Variants in DUSP22 observed in about 807,000 individuals in gnomAD.
DUSP22 encodes the protein dual specificity phosphatase 22, also known as dual specificity protein phosphatase 22.
DUSP22 carries 24 observed loss-of-function variants against 24.5 expected under a neutral mutation model. The ratio of observed to expected loss-of-function variants is 0.98; its 90% confidence interval spans 0.71 to 1.38. DUSP22 has a LOEUF of 1.38. DUSP22 is among the 40% of genes most tolerant of loss of function. The pLI, the probability that DUSP22 is intolerant of heterozygous loss-of-function variation, is 0.00. For synonymous variants in DUSP22, 160 were observed against 106.4 expected, an observed-to-expected ratio of 1.50 and a Z score of -3.10; for missense variants, 330 against 269.2, an observed-to-expected ratio of 1.23 and a Z score of -1.58.
intron 4 of DUSP22, among the ~76,000 whole-genome samples, chr6:340,230 A>G (rs574616211): frequency 3.5e-4 from 54 of 152,412 alleles, no homozygotes; most frequent in Non-Finnish European, 7.3e-4. Context: ...GAAATATCAA[A>G]GTTGGGGAAT....
chr6:350,336 A>G lies in DUSP22; in HGVS notation c.*1385A>G. ...CAGGCATCCTGGGACGCTGTACGCA[A>G]TTCAGTGGTCTAGTCCTTTATACCG... On this transcript the variant is annotated 3_prime_UTR_variant, in exon 7 of 7. Transcript: ENST00000419235. 2.0e-6 allele frequency: 2 copies of G among 1,016,514 alleles called. No homozygotes were observed. The highest frequency in any genetic ancestry group is 2.4e-6 in the Non-Finnish European group (2 of 849,494). The allele number at this position is 1,016,514 out of a possible 1,614,324, so 63.0% of individuals were successfully genotyped here.
chr6:296,512 C>G (rs1278238107), intron 1 of DUSP22, among the ~76,000 whole-genome samples: 1 of 152,304 alleles, frequency 6.6e-6, no homozygotes, highest in African/African-American at 2.4e-5. Flanking sequence ...TAGGGTTAAA[C>G]TAAACAGGGT....
At position 349,402 on chromosome 6, in the gene DUSP22, G is replaced by A. The variant is rs1386594647; in HGVS notation, c.*451G>A. ...AATTCATATTGCTGCCCGGGTTGGTGTGGCCACCTTTCCCTTTGTCCAAGA... is the reference window on the plus strand; with the variant it reads ...AATTCATATTGCTGCCCGGGTTGGTATGGCCACCTTTCCCTTTGTCCAAGA... On this transcript the variant is annotated 3_prime_UTR_variant, in exon 7 of 7. Coordinates refer to ENST00000419235, the MANE Select transcript of DUSP22 (RefSeq NM_001286555.3). The A allele has an allele frequency of 3.9e-6, 4 of 1,021,214 alleles. No individual in the cohort carries two copies. Among genetic ancestry groups the A allele is most frequent in the Admixed American group, 5.4e-5 (1 of 18,454 alleles). 63.3% of individuals were successfully genotyped at this position (1,021,214 alleles called of 1,614,324 possible). A position where few individuals can be genotyped will look rare whatever the true frequency, so the allele number is the denominator to read the frequency against.
At chr6:295,761 C>G (rs1449683312) in intron 1 of DUSP22, among the ~76,000 whole-genome samples, 35 of 151,646 alleles carry the variant, frequency 2.3e-4, no homozygotes, top group Admixed American at 2.0e-3. Context: ...GATTGTGCCA[C>G]CGCACTCCAG....
intron 5 of DUSP22, among the ~76,000 whole-genome samples, chr6:347,225 C>A (rs1397116295): frequency 6.6e-6 from 1 of 152,306 alleles, no homozygotes; most frequent in Non-Finnish European, 1.5e-5. Flanking sequence ...CCTGGTAGTT[C>A]TAATCTAAAG....
intron 4 of DUSP22, among the ~76,000 whole-genome samples, chr6:342,984 A>G (rs1441485272): frequency 6.6e-6 from 1 of 152,300 alleles, no homozygotes; most frequent in Non-Finnish European, 1.5e-5. Flanking sequence ...CTGGCTACCC[A>G]GCTCTTTGCT....
chr6:297,947 T>C (rs1307256112), intron 1 of DUSP22, among the ~76,000 whole-genome samples: 3 of 152,312 alleles, frequency 2.0e-5, no homozygotes, highest in Non-Finnish European at 2.9e-5. Context: ...TGTTAGATCC[T>C]GTAGTGAGCT....
chr6:320,569 A>G (rs1758539735), intron 3 of DUSP22, among the ~76,000 whole-genome samples: 2 of 152,308 alleles, frequency 1.3e-5, no homozygotes, highest in South Asian at 4.1e-4. Context: ...TTTGGGTGCC[A>G]AAGTGCCTAT....
intron 3 of DUSP22, among the ~76,000 whole-genome samples, chr6:327,392 G>C (rs1032808436): frequency 6.6e-6 from 1 of 152,424 alleles, no homozygotes; most frequent in South Asian, 2.1e-4. Flanking sequence ...TGCAGGTGCC[G>C]TGGCCAGCCT....
chr6:335,233 A>C, intron 4 of DUSP22, 70 bp downstream of exon 4: 1 of 1,575,730 alleles, frequency 6.3e-7, no homozygotes, highest in South Asian at 1.1e-5. Flanking sequence ...AAGTCAGAGA[A>C]GTAGAAGACT....
intron 4 of DUSP22, among the ~76,000 whole-genome samples, chr6:336,365 C>G (rs1759362370): frequency 6.6e-6 from 1 of 152,302 alleles, no homozygotes; most frequent in African/African-American, 2.4e-5. Context: ...CTTTTATGCC[C>G]CAAGCACTGG....
chr6:341,940 C>T (rs1430300214), intron 4 of DUSP22, among the ~76,000 whole-genome samples: 5 of 152,296 alleles, frequency 3.3e-5, no homozygotes, highest in Non-Finnish European at 7.3e-5. Flanking sequence ...AAGGCTGACT[C>T]TTGAACCCAG....
intron 5 of DUSP22, among the ~76,000 whole-genome samples, chr6:347,740 G>T (rs7763713): frequency 3.9e-5 from 6 of 152,294 alleles, no homozygotes; most frequent in African/African-American, 1.4e-4. Flanking sequence ...TGGGTTTGTC[G>T]CGTAGGCCCT....
At chr6:300,228 G>C (rs1052995075) in intron 1 of DUSP22, among the ~76,000 whole-genome samples, 1 of 152,300 alleles carries the variant, frequency 6.6e-6, no homozygotes, top group Non-Finnish European at 1.5e-5. Flanking sequence ...TAGCCATGTT[G>C]GTTGGTTGCA....
intron 2 of DUSP22, among the ~76,000 whole-genome samples, chr6:309,607 C>T (rs1757973267): frequency 6.6e-6 from 1 of 152,282 alleles, no homozygotes; most frequent in Admixed American, 6.5e-5. Flanking sequence ...GATTCCTCAG[C>T]CCCAGGGTAG....
chr6:339,243 C>G (rs1759489878), intron 4 of DUSP22, among the ~76,000 whole-genome samples: 1 of 152,306 alleles, frequency 6.6e-6, no homozygotes, highest in African/African-American at 2.4e-5. Context: ...TACTCACTTG[C>G]TTTTGCTTTC....
chr6:310,702 G>A (rs1758043072), intron 2 of DUSP22, among the ~76,000 whole-genome samples: 1 of 152,306 alleles, frequency 6.6e-6, no homozygotes, highest in Admixed American at 6.5e-5. Flanking sequence ...AGCTTTTTAA[G>A]AATTCTCATC....
At chr6:319,092 T>A (rs569595689) in intron 3 of DUSP22, among the ~76,000 whole-genome samples, 1 of 151,494 alleles carries the variant, frequency 6.6e-6, no homozygotes, top group South Asian at 2.1e-4. Flanking sequence ...AGAACTAGAA[T>A]GGGAGGGGAG....
intron 3 of DUSP22, among the ~76,000 whole-genome samples, chr6:324,366 C>A (rs934460067): frequency 2.0e-5 from 3 of 152,308 alleles, no homozygotes; most frequent in Non-Finnish European, 1.5e-5. Flanking sequence ...TTAATCAGAG[C>A]AAGGAACACG....
Sources: allele counts gnomAD v4.1 joint callset (sites outside exome capture counted in the v4.1 genomes callset), GRCh38; gene constraint gnomAD v4.1.1; transcripts MANE v1.5; gene names NCBI Gene and HGNC (gene_info 2026-07-23, HGNC 2026-07-21).